The following ADCY8 variants were observed in gnomAD, a reference collection of about 807,000 sequenced individuals.
ADCY8 encodes the protein adenylate cyclase 8, also known as adenylate cyclase type 8.
A neutral mutation model predicts 119.7 loss-of-function variants in ADCY8; 51 were observed. That is an observed-to-expected ratio of 0.43 (90% CI 0.34 to 0.54). ADCY8 has a LOEUF of 0.54. Among genes scored for constraint, ADCY8 ranks in the 20% least tolerant of loss-of-function variants. The probability of loss-of-function intolerance (pLI) is 0.03; values close to 1 mark genes in which losing one functional copy is unlikely to be tolerated. For synonymous variants in ADCY8, 665 were observed against 651.0 expected (o/e 1.02, Z -0.33); for missense variants, 1,383 against 1,598.8 (o/e 0.87, Z 2.30).
At chr8:130,973,767 G>A (rs988128584) in intron 2 of ADCY8, among the ~76,000 whole-genome samples, 2 of 152,178 alleles carry the variant, frequency 1.3e-5, no homozygotes, top group Admixed American at 1.3e-4. Flanking sequence ...TGTTGTGTGT[G>A]GCTGTTGTCA....
chr8:130,894,766 C>T (rs1819325841), intron 7 of ADCY8, among the ~76,000 whole-genome samples: 1 of 152,112 alleles, frequency 6.6e-6, no homozygotes, highest in Admixed American at 6.6e-5. Flanking sequence ...TTTTCTCTGG[C>T]TAGAATTCAG....
chr8:130,819,241 G>A (rs1181227321), intron 13 of ADCY8, among the ~76,000 whole-genome samples: 2 of 152,192 alleles, frequency 1.3e-5, no homozygotes, highest in African/African-American at 4.8e-5. Context: ...AACTGCTATA[G>A]TGATGAGATG....
intron 13 of ADCY8, among the ~76,000 whole-genome samples, chr8:130,816,897 C>T (rs1408918875): frequency 3.3e-5 from 5 of 151,742 alleles, no homozygotes; most frequent in African/African-American, 1.2e-4. Flanking sequence ...AGAATAATTC[C>T]AATATTTTAC....
At chr8:130,899,078 A>T (rs1819506310) in intron 7 of ADCY8, among the ~76,000 whole-genome samples, 1 of 152,134 alleles carries the variant, frequency 6.6e-6, no homozygotes, top group African/African-American at 2.4e-5. Context: ...TTGCTGTTCT[A>T]ACACACTAAA....
intron 2 of ADCY8, among the ~76,000 whole-genome samples, chr8:130,975,156 C>A (rs1406004210): frequency 6.6e-6 from 1 of 152,156 alleles, no homozygotes; most frequent in Non-Finnish European, 1.5e-5. Flanking sequence ...AGAAGGAAGG[C>A]ATTTTATAAT....
intron 5 of ADCY8, among the ~76,000 whole-genome samples, chr8:130,921,901 G>C (rs1390937774): frequency 6.6e-6 from 1 of 152,174 alleles, no homozygotes; most frequent in Non-Finnish European, 1.5e-5. Context: ...AGTATTGAAA[G>C]GGGGCTTTTA....
At chr8:130,953,558 T>C (rs895918622) in intron 2 of ADCY8, among the ~76,000 whole-genome samples, 1 of 152,076 alleles carries the variant, frequency 6.6e-6, no homozygotes, top group Non-Finnish European at 1.5e-5. Flanking sequence ...CTTGGTGAGA[T>C]GGGAAAAGTC....
At chr8:130,892,970 A>G (rs975606114) in intron 7 of ADCY8, among the ~76,000 whole-genome samples, 1 of 152,176 alleles carries the variant, frequency 6.6e-6, no homozygotes, top group Non-Finnish European at 1.5e-5. Context: ...CCAATCTATT[A>G]GCTAATCCTA....
At chr8:131,008,496 T>A (rs1361500853) in intron 1 of ADCY8, among the ~76,000 whole-genome samples, 2 of 152,172 alleles carry the variant, frequency 1.3e-5, no homozygotes, top group African/African-American at 4.8e-5. Flanking sequence ...ACACTATAAT[T>A]GTAAGTTTCC....
chr8:130,943,497 G>GGGGGGGGGGGCCCCCCCCCC, intron 3 of ADCY8, 35 bp from the exon 4 acceptor site: 1 of 491,352 alleles, frequency 2.0e-6, no homozygotes, highest in Non-Finnish European at 4.2e-6. Context: ...GTGGGGGGAG[G>GGGGGGGGGGGCCCCCCCCCC]AAGTATATTA....
At chr8:130,901,325 G>A (rs117506612) in intron 7 of ADCY8, among the ~76,000 whole-genome samples, 1 of 142,782 alleles carries the variant, frequency 7.0e-6, no homozygotes, top group Non-Finnish European at 1.5e-5. Context: ...ATGAATACAT[G>A]AGGATGTAAC....
In ADCY8 at chr8:130,858,050, T is replaced by G. The variant is rs538836281; in HGVS notation, c.2211-8247A>C. Among the ~76,000 whole-genome samples, 18 of 152,368 alleles carry G rather than the reference T, an allele frequency of 1.2e-4. No individual in the cohort carries two copies. In the East Asian group the frequency reaches 2.9e-3, roughly 24 times the overall value. On this transcript the variant is annotated intron_variant, in intron 9 of 17. Transcript: ENST00000286355. ...GTGGGAACTTCTATAATGTGGCTCC[T>G]GCATTCTTTTGATATGATCCTAATA...
intron 9 of ADCY8, among the ~76,000 whole-genome samples, chr8:130,854,566 A>T (rs1444742429): frequency 6.6e-6 from 1 of 152,202 alleles, no homozygotes; most frequent in Non-Finnish European, 1.5e-5. Context: ...TCCTTGCAGC[A>T]ACCCTGAAGA....
intron 1 of ADCY8, among the ~76,000 whole-genome samples, chr8:131,020,177 T>A (rs1823619812): frequency 6.6e-6 from 1 of 152,152 alleles, no homozygotes; most frequent in Non-Finnish European, 1.5e-5. Flanking sequence ...GTCCTCTGTC[T>A]TAAGATCAAT....
At chr8:130,880,361 T>C (rs1818724335) in intron 8 of ADCY8, among the ~76,000 whole-genome samples, 1 of 152,178 alleles carries the variant, frequency 6.6e-6, no homozygotes, top group African/African-American at 2.4e-5. Flanking sequence ...AGTATCAACT[T>C]TTACTGGTGA....
intron 2 of ADCY8, among the ~76,000 whole-genome samples, chr8:130,971,217 C>T (rs1313861508): frequency 6.6e-6 from 1 of 152,176 alleles, no homozygotes; most frequent in Admixed American, 6.5e-5. Flanking sequence ...TAACAAGCTC[C>T]TGGTGATAGA....
chr8:131,010,050 T>C (rs1823251001), intron 1 of ADCY8, among the ~76,000 whole-genome samples: 1 of 152,210 alleles, frequency 6.6e-6, no homozygotes, highest in South Asian at 2.1e-4. Context: ...TTGTTTTGTA[T>C]GAAAAAGAAA....
At chr8:130,967,749 C>T (rs1486720024) in intron 2 of ADCY8, among the ~76,000 whole-genome samples, 4 of 151,750 alleles carry the variant, frequency 2.6e-5, no homozygotes, top group Non-Finnish European at 5.9e-5. Flanking sequence ...TTCTCAGATG[C>T]CTTTATTAGC....
chr8:130,784,001 G>A (rs1815171749), intron 16 of ADCY8, among the ~76,000 whole-genome samples, 196 bp from the exon 17 acceptor site: 1 of 152,184 alleles, frequency 6.6e-6, no homozygotes, highest in African/African-American at 2.4e-5. Flanking sequence ...TTGCTTGCAA[G>A]AGTGTAGTAT....
Sources: allele counts gnomAD v4.1 joint callset (sites outside exome capture counted in the v4.1 genomes callset), GRCh38; gene constraint gnomAD v4.1.1; transcripts MANE v1.5; gene names NCBI Gene and HGNC (gene_info 2026-07-23, HGNC 2026-07-21).